Variants in CORO7 observed in about 807,000 individuals in gnomAD.
The protein encoded by CORO7 is coronin-7.
Under a neutral mutation model 126.6 loss-of-function variants are expected in CORO7, and 107 were observed. The observed-to-expected ratio is 0.85, with a 90% CI of 0.72 to 0.99. CORO7 has a LOEUF of 0.99. Ranked by LOEUF, CORO7 falls within the 50% of genes least tolerant of loss-of-function variation. The pLI, the probability that CORO7 is intolerant of heterozygous loss-of-function variation, is 0.00. For synonymous variants in CORO7, 603 were observed against 536.8 expected, an observed-to-expected ratio of 1.12 and a Z score of -1.70; for missense variants, 1,314 against 1,255.8, an observed-to-expected ratio of 1.05 and a Z score of -0.70.
chr16:4,357,320 G>A, intron 25 of CORO7, 61 bp from the exon 26 acceptor site: 1 of 1,438,532 alleles, frequency 7.0e-7, no homozygotes, highest in Non-Finnish European at 9.3e-7. Context: ...TTGGTGCCAA[G>A]CCCTCGGGGA....
intron 9 of CORO7, among the ~76,000 whole-genome samples, chr16:4,380,166 C>A: frequency 6.6e-6 from 1 of 152,146 alleles, no homozygotes. Context: ...CCCTGTGGCC[C>A]CCCAGCTCCA....
At position 4,358,053 on chromosome 16, in the gene CORO7, C is replaced by G. The variant is rs1420327082; in HGVS notation, c.2508G>C (p.Glu836Asp). The G allele has an allele frequency of 6.2e-7, 1 of 1,613,432 alleles. No individual in the cohort carries two copies. Among genetic ancestry groups the G allele is most frequent in the Non-Finnish European group, 8.5e-7 (1 of 1,179,698 alleles). The part of the protein sequence containing the change: ...DVFPDTAVIW[E>D]PVLSAEAWLQ... ...GCCAGGCCTCGGCACTGAGCACAGG[C>G]TCCCAGATCACAGCCGTGTCTGGGA... is the stretch of plus-strand genomic sequence containing the variant. Residue 836 changes from glutamate to aspartate, a missense_variant, in exon 25 of 28, where the codon GAG (glutamate) becomes GAC (aspartate). Physicochemically the swap from Glu to Asp is conservative, Grantham distance 45. Transcript: ENST00000251166.
chr16:4,398,682 T>C (rs896594871), intron 6 of CORO7, among the ~76,000 whole-genome samples: 2 of 129,372 alleles, frequency 1.5e-5, no homozygotes, highest in Admixed American at 1.6e-4. Context: ...AAAAAAAAAA[T>C]TGCAAGGCTG....
At chr16:4,401,091 T>C (rs2055785918) in intron 6 of CORO7, among the ~76,000 whole-genome samples, 1 of 152,182 alleles carries the variant, frequency 6.6e-6, no homozygotes, top group Non-Finnish European at 1.5e-5. Context: ...TACTACCAAG[T>C]TCCAGGCTAA....
chr16:4,405,725 C>A (rs2055974811), intron 5 of CORO7, among the ~76,000 whole-genome samples, 158 bp from the exon 6 acceptor site: 1 of 150,768 alleles, frequency 6.6e-6, no homozygotes, highest in Non-Finnish European at 1.5e-5. Context: ...CCCAGACAGG[C>A]TTCCCCTGCA....
intron 9 of CORO7, among the ~76,000 whole-genome samples, chr16:4,369,795 C>T (rs543064526): frequency 6.6e-6 from 1 of 152,314 alleles, no homozygotes; most frequent in East Asian, 1.9e-4. Context: ...TCCCTTGGAT[C>T]TGTCCCTATC....
At chr16:4,382,446 C>G (rs374250185) in intron 9 of CORO7, 25 of 1,609,494 alleles carry the variant, frequency 1.6e-5, no homozygotes, top group African/African-American at 4.0e-5. Context: ...ACACGGTCAC[C>G]CAGCTGCGGC....
chr16:4,359,389 C>T lies in CORO7; in HGVS notation c.2251-4G>A, dbSNP rs755343378. The T allele has an allele frequency of 1.3e-4, 206 of 1,613,426 alleles. No homozygotes were observed. Among genetic ancestry groups the T allele is most frequent in the Middle Eastern group, 1.6e-4 (1 of 6,080 alleles). ...ACAGGAATACACGGGTGTCGCCCTG[C>T]GGGGAAGAAGGCAGGCTGGGAACCC... On this transcript the variant is annotated splice_polypyrimidine_tract_variant and splice_region_variant and intron_variant, in intron 22 of 27. Transcript: ENST00000251166.
intron 9 of CORO7, among the ~76,000 whole-genome samples, chr16:4,373,125 C>A (rs763205595): frequency 6.6e-6 from 1 of 152,170 alleles, no homozygotes; most frequent in Non-Finnish European, 1.5e-5. Flanking sequence ...AAAAACCCAA[C>A]AGAGCTGGGG....
At chr16:4,360,793 C>T (rs1213313330) in intron 19 of CORO7, 150 bp downstream of exon 19, 2 of 1,468,964 alleles carry the variant, frequency 1.4e-6, no homozygotes, top group African/African-American at 2.8e-5. Flanking sequence ...CACTGGCCCC[C>T]CTCTCCTCAC....
At chr16:4,383,969 G>A (rs928793767) in intron 9 of CORO7, among the ~76,000 whole-genome samples, 23 of 152,192 alleles carry the variant, frequency 1.5e-4, no homozygotes, top group African/African-American at 5.1e-4. Context: ...TCTCTACAGC[G>A]TCCCGGGAGA....
rs1267376392 is a variant in CORO7, at chr16:4,394,980, G to T, written c.615+309C>A. Among the ~76,000 whole-genome samples, 6 of 152,210 alleles carry T rather than the reference G, an allele frequency of 3.9e-5. No homozygotes were observed. In the East Asian group the frequency reaches 9.6e-4, roughly 24 times the overall value. On this transcript the variant is annotated intron_variant, in intron 7 of 27. Coordinates refer to ENST00000251166, the MANE Select transcript of CORO7 (RefSeq NM_024535.5). The stretch of plus-strand genomic sequence containing the variant: ...GCTGGTCTCTGCTGACCGTGCCAGG[G>T]TGAAGGTCTCAAAGGAAGGAAGTGG...
At chr16:4,371,346 G>A (rs2054513326) in intron 9 of CORO7, among the ~76,000 whole-genome samples, 1 of 152,186 alleles carries the variant, frequency 6.6e-6, no homozygotes, top group African/African-American at 2.4e-5. Flanking sequence ...GGAGTTTTTT[G>A]AAATTGGGAT....
Position 4,361,267 on chromosome 16 carries a change from G to A in CORO7, c.1688-19C>T, listed in dbSNP as rs2054170768. ...TCACCAGCTGCAGAGGACAGACAGG[G>A]GCTCATCATTGCTGAGCCCAAGACC... On this transcript the variant is annotated intron_variant, in intron 17 of 27. Coordinates refer to ENST00000251166, the MANE Select transcript of CORO7 (RefSeq NM_024535.5). 6.2e-7 allele frequency: 1 copy of A among 1,612,210 alleles called. No individual in the cohort carries two copies. Among genetic ancestry groups the A allele is most frequent in the Non-Finnish European group, 8.5e-7 (1 of 1,179,852 alleles).
chr16:4,405,156 C>T (rs2055950051), intron 6 of CORO7, among the ~76,000 whole-genome samples: 2 of 152,198 alleles, frequency 1.3e-5, no homozygotes, highest in African/African-American at 4.8e-5. Context: ...CACCTGCGGC[C>T]GAATGCTGCT....
intron 2 of CORO7, 128 bp from the exon 3 acceptor site, chr16:4,412,558 G>C: frequency 1.1e-6 from 1 of 925,726 alleles, no homozygotes. Context: ...CCAATCACAA[G>C]ATCATATCCT....
chr16:4,410,338 T>A (rs541840170), intron 3 of CORO7, among the ~76,000 whole-genome samples: 1 of 152,124 alleles, frequency 6.6e-6, no homozygotes, highest in Admixed American at 6.6e-5. Context: ...GGATAGACGA[T>A]CCCTTGAGCC....
chr16:4,403,964 G>C (rs1463166790), intron 6 of CORO7, among the ~76,000 whole-genome samples: 6 of 152,168 alleles, frequency 3.9e-5, no homozygotes, highest in Non-Finnish European at 8.8e-5. Context: ...TTAGGTCAAA[G>C]CACGCATACC....
chr16:4,390,306 T>A (rs973060378), intron 7 of CORO7, among the ~76,000 whole-genome samples: 12 of 152,058 alleles, frequency 7.9e-5, no homozygotes, highest in Non-Finnish European at 1.5e-4. Context: ...TTTTTTTTTT[T>A]AACCTTTCCT....
Sources: gnomAD v4.1 joint callset for allele counts (sites outside exome capture counted in the v4.1 genomes callset) on GRCh38, gnomAD v4.1.1 for gene constraint, MANE v1.5 for transcripts, NCBI Gene and HGNC (gene_info 2026-07-23, HGNC 2026-07-21) for gene names.